XKR4: variants seen among roughly 807,000 people sequenced by gnomAD.
XKR4 encodes XK related 4.
XKR4 carries 12 observed loss-of-function variants against 53.9 expected under a neutral mutation model. That is an observed-to-expected ratio of 0.22 (90% CI 0.14 to 0.36). The LOEUF (loss-of-function observed/expected upper bound fraction) is 0.36, where lower values mean the gene tolerates loss of function less well. XKR4 is among the 10% of genes least tolerant of loss of function. XKR4 has a pLI of 1.00. For missense variants in XKR4, 799 were observed against 859.5 expected, an observed-to-expected ratio of 0.93 and a Z score of 0.88; for synonymous variants, 354 against 362.4, an observed-to-expected ratio of 0.98 and a Z score of 0.26.
chr8:55,411,220 G>A (rs745617135), intron 2 of XKR4, among the ~76,000 whole-genome samples: 36 of 152,282 alleles, frequency 2.4e-4, no homozygotes, highest in Non-Finnish European at 4.9e-4. Flanking sequence ...AATGAGCCCT[G>A]CCTGGACTCT....
Position 55,262,604 on chromosome 8 carries a change from G to A in XKR4, c.807-95074G>A, listed in dbSNP as rs186476088. 1.4e-3 allele frequency among the ~76,000 whole-genome samples: 217 copies of A among 152,324 alleles called. 1 individual carries two copies. In the Middle Eastern group the frequency reaches 0.017, roughly 12 times the overall value. On this transcript the variant is annotated intron_variant, in intron 1 of 2. Transcript: ENST00000327381. ...GTAGGGACATAGTGAGAAGACAACC[G>A]TCTGTAAACCAGCAAGAGAGGCCTC...
intron 2 of XKR4, among the ~76,000 whole-genome samples, chr8:55,497,209 C>A (rs901855211): frequency 5.3e-5 from 8 of 152,220 alleles, no homozygotes; most frequent in African/African-American, 1.9e-4. Context: ...TTACGCTAAG[C>A]ACTTAAACTC....
chr8:55,260,960 C>G (rs1818516265), intron 1 of XKR4, among the ~76,000 whole-genome samples: 1 of 152,150 alleles, frequency 6.6e-6, no homozygotes, highest in Non-Finnish European at 1.5e-5. Context: ...TTACAGGCTG[C>G]TCCTTGTTAG....
chr8:55,180,535 T>C (rs1817293783), intron 1 of XKR4, among the ~76,000 whole-genome samples: 1 of 151,968 alleles, frequency 6.6e-6, no homozygotes, highest in Non-Finnish European at 1.5e-5. Flanking sequence ...AAAATACGTA[T>C]TCTTTTTTTT....
intron 2 of XKR4, among the ~76,000 whole-genome samples, chr8:55,360,066 G>T (rs1803877022): frequency 6.6e-6 from 1 of 152,202 alleles, no homozygotes; most frequent in Non-Finnish European, 1.5e-5. Flanking sequence ...TCCAAAGGTG[G>T]CCAAAAGACA....
chr8:55,201,997 A>G (rs1817582039), intron 1 of XKR4, among the ~76,000 whole-genome samples: 1 of 152,222 alleles, frequency 6.6e-6, no homozygotes, highest in Non-Finnish European at 1.5e-5. Flanking sequence ...TATTTACAAA[A>G]TGGAGGCCAT....
intron 1 of XKR4, among the ~76,000 whole-genome samples, chr8:55,334,343 A>G (rs533661538): frequency 6.6e-6 from 1 of 152,336 alleles, no homozygotes; most frequent in Non-Finnish European, 1.5e-5. Context: ...GAGAACTGGC[A>G]TAAGTGCACA....
At chr8:55,236,092 C>T (rs1818117816) in intron 1 of XKR4, among the ~76,000 whole-genome samples, 1 of 152,158 alleles carries the variant, frequency 6.6e-6, no homozygotes, top group African/African-American at 2.4e-5. Flanking sequence ...TAACATGTTC[C>T]CAGCCTACAG....
chr8:55,217,102 C>T (rs992376321), intron 1 of XKR4, among the ~76,000 whole-genome samples: 3 of 151,182 alleles, frequency 2.0e-5, no homozygotes, highest in Non-Finnish European at 3.0e-5. Context: ...CTTAGCCGGG[C>T]GTGGTGGCGG....
At chr8:55,498,706 A>G (rs1005776496) in intron 2 of XKR4, among the ~76,000 whole-genome samples, 10 of 152,256 alleles carry the variant, frequency 6.6e-5, no homozygotes, top group African/African-American at 2.2e-4. Flanking sequence ...CCAGGAGGTC[A>G]AGGGTGCAGT....
intron 1 of XKR4, among the ~76,000 whole-genome samples, chr8:55,325,341 C>G (rs918580160): frequency 2.0e-5 from 3 of 152,062 alleles, no homozygotes; most frequent in African/African-American, 7.2e-5. Context: ...CTATACTGCA[C>G]TAACCTTTGA....
At chr8:55,344,111 A>C (rs1209793396) in intron 1 of XKR4, among the ~76,000 whole-genome samples, 4 of 152,192 alleles carry the variant, frequency 2.6e-5, no homozygotes, top group Admixed American at 2.0e-4. Context: ...AGAAACACAC[A>C]ACACCCCAAG....
At chr8:55,257,341 A>G (rs1401851271) in intron 1 of XKR4, among the ~76,000 whole-genome samples, 2 of 152,140 alleles carry the variant, frequency 1.3e-5, no homozygotes. Context: ...TTAAAAATAG[A>G]TATTTCTAAA....
chr8:55,385,012 C>G (rs1010069769), intron 2 of XKR4, among the ~76,000 whole-genome samples: 1 of 152,064 alleles, frequency 6.6e-6, no homozygotes, highest in Non-Finnish European at 1.5e-5. Flanking sequence ...ATAGTGTAGC[C>G]TCTTTTTTTC....
intron 2 of XKR4, among the ~76,000 whole-genome samples, chr8:55,467,570 A>G (rs1008695969): frequency 2.0e-5 from 3 of 152,096 alleles, no homozygotes; most frequent in African/African-American, 4.8e-5. Flanking sequence ...ATTAAGATTT[A>G]TGATTTAAAT....
intron 2 of XKR4, chr8:55,454,491 A>G: frequency 8.1e-7 from 1 of 1,227,898 alleles, no homozygotes; most frequent in Non-Finnish European, 1.2e-6. Context: ...GCACAGACCA[A>G]AGACAGTACG....
chr8:55,387,117 C>G (rs1405458196), intron 2 of XKR4, among the ~76,000 whole-genome samples: 1 of 152,224 alleles, frequency 6.6e-6, no homozygotes, highest in African/African-American at 2.4e-5. Context: ...TTAGCCTCTG[C>G]TAATTACCAG....
At chr8:55,397,712 C>G (rs958613811) in intron 2 of XKR4, among the ~76,000 whole-genome samples, 1 of 152,182 alleles carries the variant, frequency 6.6e-6, no homozygotes, top group Non-Finnish European at 1.5e-5. Flanking sequence ...CATTCTAAGT[C>G]CCATTGTCAC....
At chr8:55,264,592 A>C (rs1818572419) in intron 1 of XKR4, among the ~76,000 whole-genome samples, 1 of 152,240 alleles carries the variant, frequency 6.6e-6, no homozygotes. Flanking sequence ...GTACCTTAGT[A>C]TGTGAAACTA....
Sources: allele counts gnomAD v4.1 joint callset (sites outside exome capture counted in the v4.1 genomes callset), GRCh38; gene constraint gnomAD v4.1.1; transcripts MANE v1.5; gene names NCBI Gene and HGNC (gene_info 2026-07-23, HGNC 2026-07-21).